Variants in NTRK2 observed in about 807,000 individuals in gnomAD.
The protein encoded by NTRK2 is BDNF/NT-3 growth factors receptor.
A neutral mutation model predicts 94.5 loss-of-function variants in NTRK2; 13 were observed. The observed-to-expected ratio is 0.14, with a 90% CI of 0.09 to 0.22. The LOEUF is 0.22. Among genes scored for constraint, NTRK2 ranks in the 10% least tolerant of loss-of-function variants. NTRK2 has a pLI of 1.00. For synonymous variants in NTRK2, 372 were observed against 407.4 expected (o/e 0.91, Z 1.05); for missense variants, 639 against 1,071.2 (o/e 0.60, Z 5.63).
chr9:85,024,206 G>A lies in NTRK2; in HGVS notation c.*2769G>A, dbSNP rs1368861295. 8 of 232,218 alleles carry A rather than the reference G, an allele frequency of 3.4e-5. No individual in the cohort carries two copies. In the East Asian group the frequency reaches 4.9e-4, roughly 14 times the overall value. The allele number at this position is 232,218 out of a possible 1,614,324, so 14.4% of individuals were successfully genotyped here. A position where few individuals can be genotyped will look rare whatever the true frequency, so the allele number is the denominator to read the frequency against. On this transcript the variant is annotated 3_prime_UTR_variant, in exon 19 of 19. Transcript: ENST00000277120. ...GAAAGAATATCAGATTGCTTTTAAA[G>A]TAGCTGAACGAGCCACAGAATATCT...
intron 15 of NTRK2, among the ~76,000 whole-genome samples, chr9:84,945,302 T>G (rs2078561622): frequency 6.6e-6 from 1 of 152,194 alleles, no homozygotes; most frequent in Non-Finnish European, 1.5e-5. Context: ...TTCTTTTAGT[T>G]GCCTGATACT....
At chr9:84,877,013 C>T (rs1448138780) in intron 14 of NTRK2, 20 of 1,061,434 alleles carry the variant, frequency 1.9e-5, no homozygotes, top group Non-Finnish European at 2.1e-5. Flanking sequence ...CATAGCTATG[C>T]CATTGATTTC....
At chr9:84,923,437 C>T (rs997031342) in intron 14 of NTRK2, among the ~76,000 whole-genome samples, 4 of 152,168 alleles carry the variant, frequency 2.6e-5, no homozygotes, top group Middle Eastern at 3.2e-3. Flanking sequence ...AGAGAAGATA[C>T]TCCATATGTT....
At chr9:84,837,270 G>A (rs1273121688) in intron 12 of NTRK2, among the ~76,000 whole-genome samples, 1 of 152,018 alleles carries the variant, frequency 6.6e-6, no homozygotes, top group African/African-American at 2.4e-5. Context: ...AAGCTACCAG[G>A]GTGGCAGTTG....
intron 14 of NTRK2, among the ~76,000 whole-genome samples, chr9:84,888,897 A>C (rs931712976): frequency 1.3e-5 from 2 of 150,236 alleles, no homozygotes; most frequent in Non-Finnish European, 3.0e-5. Flanking sequence ...AACCTGCTTT[A>C]GTTTAAGTCT....
intron 9 of NTRK2, among the ~76,000 whole-genome samples, chr9:84,736,480 A>G (rs1415666499): frequency 6.6e-6 from 1 of 152,178 alleles, no homozygotes; most frequent in African/African-American, 2.4e-5. Flanking sequence ...GAACGAGGGG[A>G]GAGGAAATTT....
intron 17 of NTRK2, among the ~76,000 whole-genome samples, chr9:85,008,398 G>T (rs568914669): frequency 6.6e-6 from 1 of 151,928 alleles, no homozygotes; most frequent in Non-Finnish European, 1.5e-5. Context: ...GGCAAAAACC[G>T]CAATTACTTT....
chr9:84,740,170 G>A lies in NTRK2; in HGVS notation c.1160-1722G>A, dbSNP rs569809831. Among the ~76,000 whole-genome samples, 5 of 152,220 alleles carry A rather than the reference G, an allele frequency of 3.3e-5. No individual in the cohort carries two copies. The East Asian group carries it at 9.7e-4, about 29-fold the overall frequency. The stretch of plus-strand genomic sequence containing the variant: ...TCCCATGGTGAGGGGGACTCCATTT[G>A]GTCTAGGGCTTTTGTAAAGGGAAAG... On this transcript the variant is annotated intron_variant, in intron 9 of 18. Transcript: ENST00000277120.
intron 12 of NTRK2, among the ~76,000 whole-genome samples, chr9:84,818,564 C>T (rs1185379248): frequency 6.6e-6 from 1 of 152,188 alleles, no homozygotes; most frequent in African/African-American, 2.4e-5. Flanking sequence ...TAAATTTCAC[C>T]TTGTGAAAAA....
intron 12 of NTRK2, among the ~76,000 whole-genome samples, chr9:84,775,356 T>G (rs1273731276): frequency 1.3e-5 from 2 of 152,222 alleles, no homozygotes; most frequent in African/African-American, 2.4e-5. Flanking sequence ...GCACATTTAT[T>G]TTTTTTCAGA....
chr9:84,978,392 C>T (rs1827171487), intron 17 of NTRK2, among the ~76,000 whole-genome samples: 2 of 152,150 alleles, frequency 1.3e-5, no homozygotes, highest in African/African-American at 4.8e-5. Context: ...GAAACAGTCA[C>T]AACATTCCCT....
intron 14 of NTRK2, among the ~76,000 whole-genome samples, chr9:84,915,445 G>A (rs966250923): frequency 6.6e-6 from 1 of 152,134 alleles, no homozygotes; most frequent in Non-Finnish European, 1.5e-5. Context: ...AAAGTGGCTG[G>A]TGCCTCCTCC....
At chr9:84,981,139 G>T (rs990020200) in intron 17 of NTRK2, among the ~76,000 whole-genome samples, 1 of 152,136 alleles carries the variant, frequency 6.6e-6, no homozygotes, top group African/African-American at 2.4e-5. Flanking sequence ...AGAGTACAGT[G>T]GTGCAATCTC....
At chr9:84,948,656 G>A (rs1458587682) in intron 16 of NTRK2, 22 bp downstream of exon 16, 1 of 1,612,710 alleles carries the variant, frequency 6.2e-7, no homozygotes. Flanking sequence ...CGGGGAGGTG[G>A]GCTCCAGGAG....
intron 17 of NTRK2, among the ~76,000 whole-genome samples, chr9:84,996,468 C>A (rs762489736): frequency 6.6e-6 from 1 of 152,224 alleles, no homozygotes; most frequent in African/African-American, 2.4e-5. Context: ...GCTTTGTGGA[C>A]TTAAAGTGGA....
At chr9:84,678,880 C>A (rs1230980430) in intron 2 of NTRK2, among the ~76,000 whole-genome samples, 3 of 152,194 alleles carry the variant, frequency 2.0e-5, no homozygotes, top group Non-Finnish European at 2.9e-5. Context: ...TTCTTGTGTG[C>A]GTCTGGTGCT....
intron 12 of NTRK2, among the ~76,000 whole-genome samples, chr9:84,773,319 G>A (rs990234956): frequency 1.3e-5 from 2 of 152,198 alleles, no homozygotes. Flanking sequence ...CTGCCTGGTG[G>A]AGCCTCCATT....
chr9:84,787,085 G>C (rs1047586961), intron 12 of NTRK2, among the ~76,000 whole-genome samples: 8 of 152,016 alleles, frequency 5.3e-5, no homozygotes, highest in African/African-American at 1.9e-4. Context: ...ATCACCAGAG[G>C]TCAGGAGTTC....
At chr9:84,893,400 T>C (rs1244106152) in intron 14 of NTRK2, among the ~76,000 whole-genome samples, 1 of 152,212 alleles carries the variant, frequency 6.6e-6, no homozygotes, top group Non-Finnish European at 1.5e-5. Flanking sequence ...TCTGCTCCTC[T>C]CCTTGCCTCG....
Sources: gnomAD v4.1 joint callset for allele counts (sites outside exome capture counted in the v4.1 genomes callset) on GRCh38, gnomAD v4.1.1 for gene constraint, MANE v1.5 for transcripts, NCBI Gene and HGNC (gene_info 2026-07-23, HGNC 2026-07-21) for gene names.